GAB2: variants seen among roughly 807,000 people sequenced by gnomAD.
GAB2 encodes the protein GRB2 associated binding protein 2.
A neutral mutation model predicts 65.5 loss-of-function variants in GAB2; 26 were observed. The observed-to-expected ratio is 0.40, with a 90% confidence interval of 0.29 to 0.55. GAB2 has a LOEUF of 0.55. GAB2 is among the 20% of genes least tolerant of loss of function. GAB2 has a pLI of 0.53. For missense variants in GAB2, 884 were observed against 875.8 expected, an observed-to-expected ratio of 1.01 and a Z score of -0.12; for synonymous variants, 321 against 329.6, an observed-to-expected ratio of 0.97 and a Z score of 0.28.
chr11:78,250,421 T>C (rs1375951237), intron 2 of GAB2, 21 bp from the exon 3 acceptor site: 3 of 1,607,434 alleles, frequency 1.9e-6, no homozygotes, highest in Admixed American at 3.3e-5. Context: ...GAAATAGCTC[T>C]GTGAATGAAA....
chr11:78,292,643 A>C (rs939389024), intron 1 of GAB2, among the ~76,000 whole-genome samples: 1 of 152,202 alleles, frequency 6.6e-6, no homozygotes, highest in Non-Finnish European at 1.5e-5. Flanking sequence ...GTTAACAGCA[A>C]ACATTACAAG....
chr11:78,389,201 G>GA (rs1370340736), intron 1 of GAB2, among the ~76,000 whole-genome samples: 1 of 151,952 alleles, frequency 6.6e-6, no homozygotes, highest in African/African-American at 2.4e-5. Context: ...ATCACAACAG[G>GA]AAAAATGACA....
At chr11:78,286,113 T>C (rs1866474342) in intron 1 of GAB2, among the ~76,000 whole-genome samples, 1 of 152,348 alleles carries the variant, frequency 6.6e-6, no homozygotes, top group African/African-American at 2.4e-5. Context: ...CTCTAGGTAT[T>C]ATTCTAATGC....
intron 1 of GAB2, among the ~76,000 whole-genome samples, chr11:78,313,681 C>T (rs933066034): frequency 6.6e-6 from 1 of 152,204 alleles, no homozygotes; most frequent in African/African-American, 2.4e-5. Flanking sequence ...GGAGCAGGCT[C>T]ATTACTGCCA....
chr11:78,319,070 G>C (rs972061831), intron 1 of GAB2, among the ~76,000 whole-genome samples: 4 of 150,898 alleles, frequency 2.7e-5, no homozygotes, highest in Non-Finnish European at 4.4e-5. Flanking sequence ...CTGTGCCCCA[G>C]AGGCCGCTGA....
chr11:78,277,018 C>T (rs915706084), intron 2 of GAB2, among the ~76,000 whole-genome samples: 12 of 152,074 alleles, frequency 7.9e-5, no homozygotes, highest in Non-Finnish European at 1.3e-4. Context: ...GGGGTTTCAC[C>T]GTGTCAGCCA....
intron 1 of GAB2, among the ~76,000 whole-genome samples, chr11:78,320,631 C>T (rs1219161012): frequency 3.3e-5 from 5 of 151,776 alleles, no homozygotes; most frequent in African/African-American, 1.2e-4. Flanking sequence ...CTCTGTTGCC[C>T]AGGCTGAAGT....
chr11:78,385,481 G>A (rs1347111155), intron 1 of GAB2, among the ~76,000 whole-genome samples: 1 of 152,218 alleles, frequency 6.6e-6, no homozygotes. Context: ...GATGCTCATG[G>A]TATGGGAAAA....
At chr11:78,267,448 T>A (rs909705288) in intron 2 of GAB2, among the ~76,000 whole-genome samples, 6 of 152,134 alleles carry the variant, frequency 3.9e-5, no homozygotes, top group African/African-American at 1.4e-4. Flanking sequence ...ACTTGTGCAC[T>A]TTTAGAAATG....
At chr11:78,397,216 A>G (rs1311510890) in intron 1 of GAB2, among the ~76,000 whole-genome samples, 1 of 152,198 alleles carries the variant, frequency 6.6e-6, no homozygotes, top group Non-Finnish European at 1.5e-5. Context: ...ACCAAATCAC[A>G]TTTTCAATTC....
rs138237631 is a variant in GAB2 at position 78,298,486 on chromosome 11, C to T, written c.76-17585G>A. 2.1e-3 allele frequency among the ~76,000 whole-genome samples: 317 copies of T among 152,292 alleles called. 1 individual carries two copies. Among genetic ancestry groups the T allele is most frequent in the African/African-American group, 7.4e-3 (308 of 41,554 alleles). On this transcript the variant is annotated intron_variant, in intron 1 of 9. Transcript: ENST00000361507. ...GATGTGTATGAGAGAGACAGGGTCA[C>T]ATCTGGGAAACCAAAAAGCCCTGTA...
rs1010385699 is a variant in GAB2 at position 78,341,779 on chromosome 11, A to C, written c.76-60878T>G. On this transcript the variant is annotated intron_variant, in intron 1 of 9. Coordinates refer to ENST00000361507, the MANE Select transcript of GAB2 (RefSeq NM_080491.3). ...ACTCACCTTTTCATGATGATACCAA[A>C]GGTCTAATTCCCTCACTTGTCTCTC... The C allele has an allele frequency of 3.0e-6, 3 of 986,210 alleles. No homozygotes were observed. In the African/African-American group the frequency reaches 5.2e-5, roughly 17 times the overall value. 61.1% of individuals were successfully genotyped at this position (986,210 alleles called of 1,614,324 possible).
chr11:78,417,692 G>A lies in GAB2; in HGVS notation c.29C>T (p.Thr10Ile), dbSNP rs776035345. The A allele has an allele frequency of 4.4e-6, 6 of 1,371,052 alleles. No homozygotes were observed. The highest frequency in any genetic ancestry group is 2.7e-5 in the South Asian group (2 of 73,500). The allele number at this position is 1,371,052 out of a possible 1,614,324, so 84.9% of individuals were successfully genotyped here. A position where few individuals can be genotyped will look rare whatever the true frequency, so the allele number is the denominator to read the frequency against. The change falls in exon 1 of 10, where the codon ACC becomes ATC. Residue 10 changes from threonine to isoleucine, a missense_variant. Coordinates refer to ENST00000361507, the MANE Select transcript of GAB2 (RefSeq NM_080491.3). MSGGGDVVC[T>I]GWLRKSPPEK... ...GGGAGGCGATTTCCTCAGCCAGCCG[G>A]TGCACACCACGTCGCCGCCGCCGCT...
Position 78,224,352 on chromosome 11 carries a change from C to A in GAB2, c.1303-676G>T, listed in dbSNP as rs546839153. Among the ~76,000 whole-genome samples, 14 of 152,128 alleles carry A rather than the reference C, an allele frequency of 9.2e-5. No homozygotes were observed. The South Asian group carries it at 2.9e-3, about 32-fold the overall frequency. On this transcript the variant is annotated intron_variant, in intron 5 of 9. Transcript: ENST00000361507. ...CCACTGGCAGGTCAGCATCTCAGGC[C>A]CTGGATCAGAACAAGGAGCATATTA...
In GAB2 at chr11:78,250,212, G is replaced by A. The variant is rs745756544; in HGVS notation, c.565C>T (p.Pro189Ser). 7 of 1,613,232 alleles carry A rather than the reference G, an allele frequency of 4.3e-6. No individual in the cohort carries two copies. Among genetic ancestry groups the A allele is most frequent in the East Asian group, 4.5e-5 (2 of 44,836 alleles). ...HMQPTLSTSA[P>S]QEYLYLHQCI... ...TGGTGCAAGTAGAGATACTCCTGAG[G>A]TGCGCTGGTGGACAAGGTGGGCTGC... The change falls in exon 3 of 10, where the codon CCT becomes TCT. Residue 189 changes from proline (P) to serine (S), a missense_variant. Pro to Ser is a moderately conservative substitution (Grantham distance 74). Transcript: ENST00000361507.
At chr11:78,342,826 A>G (rs928773755) in intron 1 of GAB2, among the ~76,000 whole-genome samples, 116 of 152,330 alleles carry the variant, frequency 7.6e-4, no homozygotes, top group African/African-American at 2.6e-3. Context: ...AGTACAGAAC[A>G]TGTATTTAGT....
At chr11:78,229,719 C>A (rs1864784448) in intron 3 of GAB2, among the ~76,000 whole-genome samples, 1 of 152,232 alleles carries the variant, frequency 6.6e-6, no homozygotes, top group African/African-American at 2.4e-5. Context: ...ACTCATCTCA[C>A]CAATCTTTTC....
At position 78,398,036 on chromosome 11, in the gene GAB2, A is replaced by ACACACACACACACACACACC. The variant is rs1423604764; in HGVS notation, c.75+19609_75+19610insGGTGTGTGTGTGTGTGTGTG. 2.6e-3 allele frequency among the ~76,000 whole-genome samples: 393 copies of ACACACACACACACACACACC among 150,992 alleles called. 7 individuals carry two copies. Among genetic ancestry groups the ACACACACACACACACACACC allele is most frequent in the Middle Eastern group, 0.02 (6 of 294 alleles). ...TGTGAATAGCTACACACACACACAC[A>ACACACACACACACACACACC]CACACATCCCTGGCCTATACTCAAT... On this transcript the variant is annotated intron_variant, in intron 1 of 9. Transcript: ENST00000361507.
chr11:78,391,243 C>T (rs368185430), intron 1 of GAB2, among the ~76,000 whole-genome samples: 1 of 151,954 alleles, frequency 6.6e-6, no homozygotes, highest in African/African-American at 2.4e-5. Flanking sequence ...TGCAATGAGA[C>T]GAGATCATAC....
Sources: allele counts gnomAD v4.1 joint callset (sites outside exome capture counted in the v4.1 genomes callset), GRCh38; gene constraint gnomAD v4.1.1; transcripts MANE v1.5; gene names NCBI Gene and HGNC (gene_info 2026-07-23, HGNC 2026-07-21).